HTRA3: variants seen among roughly 807,000 people sequenced by gnomAD.
HTRA3 encodes the protein serine protease HTRA3.
HTRA3 carries 41 observed loss-of-function variants against 43.2 expected under a neutral mutation model. That is an observed-to-expected ratio of 0.95 (90% CI 0.74 to 1.23). The LOEUF (loss-of-function observed/expected upper bound fraction) is 1.23, where lower values mean the gene tolerates loss of function less well. Ranked by LOEUF, HTRA3 falls within the 50% of genes most tolerant of loss-of-function variation. The pLI is 0.00. For missense variants in HTRA3, 628 were observed against 647.1 expected, an observed-to-expected ratio of 0.97 and a Z score of 0.32; for synonymous variants, 295 against 287.9, an observed-to-expected ratio of 1.02 and a Z score of -0.25.
chr4:8,304,918 C>G (rs972595320), intron 8 of HTRA3, among the ~76,000 whole-genome samples: 1 of 152,164 alleles, frequency 6.6e-6, no homozygotes, highest in Non-Finnish European at 1.5e-5. Context: ...CTTGGCCTCC[C>G]AAAGTGCTGG....
Position 8,297,072 on chromosome 4 carries a change from G to C in HTRA3, c.1051+2871G>C, listed in dbSNP as rs987598051. Among the ~76,000 whole-genome samples the C allele has an allele frequency of 6.6e-6, 1 of 152,018 alleles. No individual in the cohort carries two copies. The highest frequency in any genetic ancestry group is 1.5e-5 in the Non-Finnish European group (1 of 68,000). On this transcript the variant is annotated intron_variant, in intron 6 of 8. Transcript: ENST00000307358. The surrounding 1 kb of genome is among the most constrained non-coding windows in gnomAD (Gnocchi z 5.8). ...GGTCCCTTGGTCTCAGAAGCCAAAA[G>C]GTTCCCTGGTCTCAGAAGCCATAAG...
chr4:8,302,365 G>A, intron 6 of HTRA3, 98 bp from the exon 7 acceptor site: 1 of 1,107,626 alleles, frequency 9.0e-7, no homozygotes, highest in Non-Finnish European at 1.4e-6. Context: ...CTGCTTCCTG[G>A]TCCTGCAGGG....
chr4:8,287,848 T>C (rs1713058556), intron 3 of HTRA3, among the ~76,000 whole-genome samples: 1 of 152,196 alleles, frequency 6.6e-6, no homozygotes. Flanking sequence ...CCCGCTCAGC[T>C]AGGACCCCGG....
At chr4:8,300,817 T>A (rs1713612959) in intron 6 of HTRA3, among the ~76,000 whole-genome samples, 1 of 152,102 alleles carries the variant, frequency 6.6e-6, no homozygotes, top group Non-Finnish European at 1.5e-5. Context: ...AGCTTTATTA[T>A]TGATTCACAC....
intron 3 of HTRA3, among the ~76,000 whole-genome samples, chr4:8,288,574 CTTT>C (rs35966094): frequency 0.022 from 2,966 of 132,504 alleles, 97 homozygotes; most frequent in African/African-American, 0.076. Flanking sequence ...CGTGCCTAGC[CTTT>C]TTTTTTTTTT....
intron 2 of HTRA3, among the ~76,000 whole-genome samples, chr4:8,283,967 C>G (rs7670516): frequency 6.6e-6 from 1 of 152,022 alleles, no homozygotes; most frequent in Non-Finnish European, 1.5e-5. Context: ...CCCCTCTGCC[C>G]TCCCCATCCC....
Position 8,279,152 on chromosome 4 carries a change from ACT to A in HTRA3, c.386-3282_386-3281del, listed in dbSNP as rs568165120. ...GGCACGTGCGGGCTTCTCTTTGGAG[ACT>A]CTGTGGGAAACAGGCCACCTCCCAG... On this transcript the variant is annotated intron_variant, in intron 1 of 8. Transcript: ENST00000307358. This position sits in a 1 kb window ranked among gnomAD's most constrained non-coding sequence, Gnocchi z 7.4. Among the ~76,000 whole-genome samples, 49 of 150,458 alleles carry A rather than the reference ACT, an allele frequency of 3.3e-4. No individual in the cohort carries two copies. The South Asian group carries it at 9.7e-3, about 30-fold the overall frequency.
Position 8,295,867 on chromosome 4 carries a change from T to C in HTRA3, c.1051+1666T>C, listed in dbSNP as rs1560141925. ...CGCCATTGTTCTTCTGTGTCCATTA[T>C]GGGAAGACAATCTGGAGCCAGGCAG... On this transcript the variant is annotated intron_variant, in intron 6 of 8. Transcript: ENST00000307358. This position sits in a 1 kb window ranked among gnomAD's most constrained non-coding sequence, Gnocchi z 6.9. 2.4e-6 allele frequency: 3 copies of C among 1,234,960 alleles called. No homozygotes were observed. Among genetic ancestry groups the C allele is most frequent in the Non-Finnish European group, 3.0e-6 (3 of 988,542 alleles). The allele number at this position is 1,234,960 out of a possible 1,614,324, so 76.5% of individuals were successfully genotyped here. A position where few individuals can be genotyped will look rare whatever the true frequency, so the allele number is the denominator to read the frequency against.
In HTRA3 at chr4:8,287,553, G is replaced by C. The variant is rs185932887; in HGVS notation, c.708+770G>C. Among the ~76,000 whole-genome samples the C allele has an allele frequency of 2.2e-3, 339 of 152,236 alleles. 3 individuals are homozygous for C. The highest frequency in any genetic ancestry group is 7.6e-3 in the African/African-American group (317 of 41,524). ...CATCTTCTCATGGCAGAGCCGGAGA[G>C]AGAGAGAGTGAAGTGGGACATGCCA... On this transcript the variant is annotated intron_variant, in intron 3 of 8. Coordinates refer to ENST00000307358, the MANE Select transcript of HTRA3 (RefSeq NM_053044.5).
In HTRA3 at chr4:8,270,201, G is replaced by A; in HGVS notation, c.233G>A (p.Arg78His). The A allele has an allele frequency of 6.5e-6, 10 of 1,539,504 alleles. No individual in the cohort carries two copies. The highest frequency in any genetic ancestry group is 1.2e-5 in the South Asian group (1 of 84,384). ...SPCGESLECV[R>H]GLCRCRWSHA... ...TGCGGCGAGAGCCTGGAGTGCGTGC[G>A]CGGCCTATGCCGCTGCCGCTGGTCG... The change falls in exon 1 of 9, where the codon CGC becomes CAC. Residue 78 changes from arginine (R) to histidine (H), a missense_variant. Coordinates refer to ENST00000307358, the MANE Select transcript of HTRA3 (RefSeq NM_053044.5).
chr4:8,282,354 CCTT>C, intron 1 of HTRA3, 80 bp from the exon 2 acceptor site: 3 of 1,088,664 alleles, frequency 2.8e-6, no homozygotes, highest in East Asian at 2.6e-5. Context: ...AGAGCCTCCT[CCTT>C]CTGCCCACTG....
chr4:8,296,617 T>G lies in HTRA3; in HGVS notation c.1051+2416T>G. ...GGGTAAAGAGTGGCCACCATGCATGTTGGGGGAGCCCCAGGAGGGCTTGGG... is the reference window on the plus strand; with the variant it reads ...GGGTAAAGAGTGGCCACCATGCATGGTGGGGGAGCCCCAGGAGGGCTTGGG... On this transcript the variant is annotated intron_variant, in intron 6 of 8. Transcript: ENST00000307358. This position sits in a 1 kb window ranked among gnomAD's most constrained non-coding sequence, Gnocchi z 5.3. The G allele has an allele frequency of 1.3e-6, 1 of 789,022 alleles. No individual in the cohort carries two copies. Among genetic ancestry groups the G allele is most frequent in the Non-Finnish European group, 1.5e-6 (1 of 650,878 alleles). 48.9% of individuals were successfully genotyped at this position (789,022 alleles called of 1,614,324 possible). A position where few individuals can be genotyped will look rare whatever the true frequency, so the allele number is the denominator to read the frequency against.
In HTRA3 at chr4:8,279,810, T is replaced by G. The variant is rs1560135077; in HGVS notation, c.386-2627T>G. ...TTCCAGGCCTGGGTCAGGGCACCTC[T>G]GCACTCACCCACCCCACGCCGGGCT... On this transcript the variant is annotated intron_variant, in intron 1 of 8. Coordinates refer to ENST00000307358, the MANE Select transcript of HTRA3 (RefSeq NM_053044.5). This position sits in a 1 kb window ranked among gnomAD's most constrained non-coding sequence, Gnocchi z 7.4. Among the ~76,000 whole-genome samples, 2 of 152,086 alleles carry G rather than the reference T, an allele frequency of 1.3e-5. No homozygotes were observed.
intron 3 of HTRA3, among the ~76,000 whole-genome samples, chr4:8,288,731 C>T (rs888616561): frequency 6.6e-6 from 1 of 151,420 alleles, no homozygotes; most frequent in Non-Finnish European, 1.5e-5. Context: ...TGCCACCACC[C>T]TCAGCTAATT....
chr4:8,270,161 C>T lies in HTRA3; in HGVS notation c.193C>T (p.Pro65Ser), dbSNP rs767505980. ...CAGCGAGGGCGAGCCCTGTGGCGGCCCTCTGGACTCGCCTTGCGGCGAGAG... is the reference window on the plus strand; with the variant it reads ...CAGCGAGGGCGAGCCCTGTGGCGGCTCTCTGGACTCGCCTTGCGGCGAGAG... ...AASEGEPCGG[P>S]LDSPCGESLE... The change falls in exon 1 of 9, where the codon CCT becomes TCT. Residue 65 changes from proline (P) to serine (S), a missense_variant. Physicochemically the swap from Pro to Ser is moderately conservative, Grantham distance 74 (BLOSUM62 -1). Transcript: ENST00000307358. 1.9e-6 allele frequency: 3 copies of T among 1,540,736 alleles called. No individual in the cohort carries two copies. The highest frequency in any genetic ancestry group is 2.6e-6 in the Non-Finnish European group (3 of 1,156,934).
At position 8,306,327 on chromosome 4, in the gene HTRA3, T is replaced by C; in HGVS notation, c.*191T>C. 1 of 572,552 alleles carries C rather than the reference T, an allele frequency of 1.7e-6. No individual in the cohort carries two copies. 35.5% of individuals were successfully genotyped at this position (572,552 alleles called of 1,614,324 possible). On this transcript the variant is annotated 3_prime_UTR_variant, in exon 9 of 9. Transcript: ENST00000307358. This position sits in a 1 kb window ranked among gnomAD's most constrained non-coding sequence, Gnocchi z 8.9. ...CCGCCTGGGGAGTGTTGGATCCACA[T>C]CCCGGTGCCGGGGAGGGAAGCCCAA...
chr4:8,286,822 C>T lies in HTRA3; in HGVS notation c.708+39C>T, dbSNP rs1401257778. On this transcript the variant is annotated intron_variant, in intron 3 of 8. Transcript: ENST00000307358. This position sits in a 1 kb window ranked among gnomAD's most constrained non-coding sequence, Gnocchi z 4.9. Reference sequence around the variant, plus strand: ...GGTGGAGGGGCGGAAGCACCTGGGGCTGGGCATGGTGGCCTCTTCCCAGAC... The same window carrying T: ...GGTGGAGGGGCGGAAGCACCTGGGGTTGGGCATGGTGGCCTCTTCCCAGAC... The T allele has an allele frequency of 6.7e-7, 1 of 1,503,224 alleles. No homozygotes were observed. 93.1% of individuals were successfully genotyped at this position (1,503,224 alleles called of 1,614,324 possible). A position where few individuals can be genotyped will look rare whatever the true frequency, so the allele number is the denominator to read the frequency against.
At chr4:8,285,105 C>T (rs1357849047) in intron 2 of HTRA3, among the ~76,000 whole-genome samples, 2 of 152,142 alleles carry the variant, frequency 1.3e-5, no homozygotes, top group Non-Finnish European at 2.9e-5. Flanking sequence ...CTGTCTCCAT[C>T]ATCTCATGGC....
chr4:8,287,559 G>A (rs1424839782), intron 3 of HTRA3, among the ~76,000 whole-genome samples: 1 of 152,148 alleles, frequency 6.6e-6, no homozygotes, highest in Non-Finnish European at 1.5e-5. Flanking sequence ...GAGAGAGAGA[G>A]AGTGAAGTGG....
Sources: gnomAD v4.1 joint callset for allele counts (sites outside exome capture counted in the v4.1 genomes callset) on GRCh38, gnomAD v4.1.1 for gene constraint, Gnocchi (gnomAD v3.1) non-coding constraint, MANE v1.5 for transcripts, NCBI Gene and HGNC (gene_info 2026-07-23, HGNC 2026-07-21) for gene names.